The following FAT1 variants were observed in gnomAD, a reference collection of about 807,000 sequenced individuals.
FAT1 encodes the protein FAT atypical cadherin 1.
In FAT1, 171 loss-of-function variants were observed where a neutral mutation model predicts 329.8. The ratio of observed to expected loss-of-function variants is 0.52; its 90% CI spans 0.46 to 0.59. The LOEUF (loss-of-function observed/expected upper bound fraction) is 0.59, where lower values mean the gene tolerates loss of function less well. Ranked by LOEUF, FAT1 falls within the 20% of genes least tolerant of loss-of-function variation. The probability of loss-of-function intolerance (pLI) is 0.00; values close to 1 mark genes in which losing one functional copy is unlikely to be tolerated. For missense variants in FAT1, 5,672 were observed against 5,774.4 expected (o/e 0.98, Z 0.57); for synonymous variants, 2,233 against 2,228.6 (o/e 1.00, Z -0.06).
Position 186,618,923 on chromosome 4 carries a change from C to G in FAT1, c.7663G>C (p.Asp2555His), listed in dbSNP as rs2126500416. 1 of 1,613,912 alleles carries G rather than the reference C, an allele frequency of 6.2e-7. No individual in the cohort carries two copies. Among genetic ancestry groups the G allele is most frequent in the Admixed American group, 1.7e-5 (1 of 60,016 alleles). ...ACTTTCTCCGCCGGGGTTTCTCGATCAAGTTTTTCCAAAGTAAATATCTGT... is the reference window on the plus strand; with the variant it reads ...ACTTTCTCCGCCGGGGTTTCTCGATGAAGTTTTTCCAAAGTAAATATCTGT... ...RGQIFTLEKL[D>H]RETPAEKVIS... The change falls in exon 10 of 27, where the codon GAT becomes CAT. Residue 2555 changes from aspartate to histidine, a missense_variant. Physicochemically the swap from Asp to His is moderately conservative, Grantham distance 81. This residue lies in a region of FAT1 where 3,966 missense variants were observed against 3,915.2 expected (regional missense o/e 1.01). Coordinates refer to ENST00000441802, the MANE Select transcript of FAT1 (RefSeq NM_005245.4).
Position 186,706,636 on chromosome 4 carries a change from T to G in FAT1, c.3192A>C (p.Arg1064Ser), listed in dbSNP as rs760545244. Residue 1064 changes from arginine (R) to serine (S), a missense_variant, in exon 2 of 27, where the codon AGA (arginine) becomes AGC (serine). Coordinates refer to ENST00000441802, the MANE Select transcript of FAT1 (RefSeq NM_005245.4). ...TGGAGTATCGGATCTCCCCATCTCT[T>G]CTGGCGTCCTCATCATGAGCCGACA... ...MTVSAHDEDARRDGEIRYSIR... is the reference protein window; with the variant it reads ...MTVSAHDEDASRDGEIRYSIR... 6.2e-7 allele frequency: 1 copy of G among 1,613,974 alleles called. No individual in the cohort carries two copies. The highest frequency in any genetic ancestry group is 8.5e-7 in the Non-Finnish European group (1 of 1,179,888).
chr4:186,636,994 G>C (rs935406516), intron 4 of FAT1, 80 bp from the exon 5 acceptor site: 1 of 1,272,618 alleles, frequency 7.9e-7, no homozygotes. Flanking sequence ...ATGCTACTCC[G>C]CATGTGTGTA....
chr4:186,706,595 C>A lies in FAT1; in HGVS notation c.3233G>T (p.Gly1078Val), dbSNP rs914438381. 2 of 1,612,538 alleles carry A rather than the reference C, an allele frequency of 1.2e-6. No individual in the cohort carries two copies. The highest frequency in any genetic ancestry group is 2.7e-5 in the African/African-American group (2 of 74,870). ...TTCACCTATTTTGAAAACACCAACG[C>A]CAGAGCCATCTCTAATGGAGTATCG... is the stretch of plus-strand genomic sequence containing the variant. ...EIRYSIRDGSGVGVFKIGEET... is the reference protein window; with the variant it reads ...EIRYSIRDGSVVGVFKIGEET... The change falls in exon 2 of 27, where the codon GGC (glycine) becomes GTC (valine). Residue 1078 changes from glycine (G) to valine (V), a missense_variant. By Grantham distance (109) the Gly-to-Val change is moderately radical. Transcript: ENST00000441802.
chr4:186,706,199 G>A (rs931868616), intron 2 of FAT1, among the ~76,000 whole-genome samples: 1 of 152,182 alleles, frequency 6.6e-6, no homozygotes, highest in Non-Finnish European at 1.5e-5. Flanking sequence ...CAAATACACT[G>A]ACTGAAAAAA....
At chr4:186,628,403 T>C (rs2126543653) in intron 8 of FAT1, 39 bp from the exon 9 acceptor site, 2 of 1,610,088 alleles carry the variant, frequency 1.2e-6, no homozygotes, top group Non-Finnish European at 1.7e-6. Context: ...CATTGGTGCT[T>C]TCCTTATAAC....
chr4:186,600,191 G>A lies in FAT1; in HGVS notation c.11810C>T (p.Ala3937Val), dbSNP rs755925891. The A allele has an allele frequency of 3.1e-6, 5 of 1,613,948 alleles. No individual in the cohort carries two copies. The African/African-American group carries it at 6.7e-5, about 22-fold the overall frequency. The change falls in exon 22 of 27, where the codon GCC becomes GTC. Residue 3937 changes from alanine to valine, a missense_variant. By Grantham distance (64) the Ala-to-Val change is moderately conservative. Coordinates refer to ENST00000441802, the MANE Select transcript of FAT1 (RefSeq NM_005245.4). ...LDQVHTASGT[A>V]PGTLKTLNLD... ...GTTCAGGGTTTTCAGAGTCCCTGGG[G>A]CTGTGCCCGATGCAGTATGAACTTG...
intron 3 of FAT1, among the ~76,000 whole-genome samples, chr4:186,640,371 A>G (rs1189394581): frequency 2.0e-5 from 3 of 152,222 alleles, no homozygotes; most frequent in African/African-American, 7.2e-5. Flanking sequence ...TGGTTTCAAT[A>G]TACATTTTGT....
Position 186,606,155 on chromosome 4 carries a change from T to C in FAT1, c.10265A>G (p.Asn3422Ser). The change falls in exon 17 of 27, where the codon AAC becomes AGC. Residue 3422 changes from asparagine to serine, a missense_variant. Around this residue, in one of 2 missense-constraint regions of FAT1, gnomAD observed 1,706 missense variants for 1,859.1 expected, o/e 0.92. Transcript: ENST00000441802. ...ASDNGSPPRVNTTTVNIDVSD... is the reference protein window; with the variant it reads ...ASDNGSPPRVSTTTVNIDVSD... ...CACATCGATGTTCACGGTCGTCGTG[T>C]TGACTCTGGGTGGACTGCCATTATC... is the stretch of plus-strand genomic sequence containing the variant. 2 of 1,613,476 alleles carry C rather than the reference T, an allele frequency of 1.2e-6. No individual in the cohort carries two copies. The highest frequency in any genetic ancestry group is 1.7e-4 in the Middle Eastern group (1 of 6,034).
At chr4:186,636,404 T>C (rs1740817419) in intron 5 of FAT1, among the ~76,000 whole-genome samples, 169 bp from the exon 6 acceptor site, 1 of 152,180 alleles carries the variant, frequency 6.6e-6, no homozygotes, top group Non-Finnish European at 1.5e-5. Context: ...CATGACCACA[T>C]TCAACATAAA....
chr4:186,639,881 G>A (rs1741015612), intron 3 of FAT1, 98 bp from the exon 4 acceptor site: 1 of 1,024,154 alleles, frequency 9.8e-7, no homozygotes, highest in Admixed American at 1.9e-5. Context: ...GGTAGCTCAT[G>A]CCTTAATCCC....
rs1427836213 is a variant in FAT1 at position 186,609,913 on chromosome 4, G to A, written c.9956C>T (p.Ala3319Val). ...DGGTPSLSDV[A>V]TVNVNVTDIN... Reference sequence around the variant, plus strand: ...ATCTGTTACATTAACGTTCACAGTGGCAACGTCGCTCAGTGAAGGCGTGCC... The same window carrying A: ...ATCTGTTACATTAACGTTCACAGTGACAACGTCGCTCAGTGAAGGCGTGCC... Residue 3319 changes from alanine (A) to valine (V), a missense_variant, in exon 15 of 27, where the codon GCC becomes GTC. Physicochemically the swap from Ala to Val is moderately conservative, Grantham distance 64. Transcript: ENST00000441802. 6.2e-7 allele frequency: 1 copy of A among 1,612,354 alleles called. No individual in the cohort carries two copies. The highest frequency in any genetic ancestry group is 8.5e-7 in the Non-Finnish European group (1 of 1,178,542).
intron 2 of FAT1, among the ~76,000 whole-genome samples, chr4:186,675,039 C>G (rs1230920657): frequency 6.6e-6 from 1 of 151,892 alleles, no homozygotes; most frequent in Non-Finnish European, 1.5e-5. Context: ...GTCTCAAAAA[C>G]AAAAACAAAA....
intron 9 of FAT1, among the ~76,000 whole-genome samples, chr4:186,624,240 T>G (rs989603312): frequency 1.3e-4 from 19 of 143,146 alleles, no homozygotes; most frequent in Admixed American, 1.2e-3. Context: ...TTGTTCCCTG[T>G]ATGGGAACAG....
intron 17 of FAT1, 58 bp from the exon 18 acceptor site, chr4:186,604,632 TG>T (rs1396290328): frequency 2.6e-6 from 3 of 1,143,922 alleles, no homozygotes; most frequent in East Asian, 5.0e-5. Context: ...CAAATCTATA[TG>T]GGACAGACAC....
Position 186,620,477 on chromosome 4 carries a change from T to C in FAT1, c.6109A>G (p.Thr2037Ala), listed in dbSNP as rs2126516042. ...RTSGVLSTTG[T>A]PFDREQQEAF... ...TCCTGCTGCTCACGATCGAAGGGCGTGCCAGTGGTTGACAGAACTCCTGAA... is the reference window on the plus strand; with the variant it reads ...TCCTGCTGCTCACGATCGAAGGGCGCGCCAGTGGTTGACAGAACTCCTGAA... The change falls in exon 10 of 27, where the codon ACG (threonine) becomes GCG (alanine). Residue 2037 changes from threonine (T) to alanine (A), a missense_variant. By Grantham distance (58) the Thr-to-Ala change is moderately conservative. Coordinates refer to ENST00000441802, the MANE Select transcript of FAT1 (RefSeq NM_005245.4). 6.2e-7 allele frequency: 1 copy of C among 1,614,028 alleles called. No homozygotes were observed. Among genetic ancestry groups the C allele is most frequent in the Non-Finnish European group, 8.5e-7 (1 of 1,179,904 alleles).
intron 3 of FAT1, among the ~76,000 whole-genome samples, chr4:186,646,184 G>A (rs548797311): frequency 9.9e-5 from 15 of 151,870 alleles, no homozygotes; most frequent in Non-Finnish European, 2.1e-4. Context: ...CACCTCACCC[G>A]GCAGGAAATT....
chr4:186,599,666 C>T (rs1042056643), intron 22 of FAT1, among the ~76,000 whole-genome samples: 2 of 152,192 alleles, frequency 1.3e-5, no homozygotes, highest in Admixed American at 1.3e-4. Context: ...ACTGGGAGGG[C>T]ACTGCAGGCG....
In FAT1 at chr4:186,708,846, G is replaced by A; in HGVS notation, c.982C>T (p.His328Tyr). Residue 328 changes from histidine to tyrosine, a missense_variant, in exon 2 of 27, where the codon CAT becomes TAT. His to Tyr is a moderately conservative substitution (Grantham distance 83). Coordinates refer to ENST00000441802, the MANE Select transcript of FAT1 (RefSeq NM_005245.4). ...KAIGGIDWDS[H>Y]PFGYNLTLQA... Reference sequence around the variant, plus strand: ...AGTGTGAGATTGTAGCCGAAAGGATGACTGTCCCAATCAATGCCACCGATG... The same window carrying A: ...AGTGTGAGATTGTAGCCGAAAGGATAACTGTCCCAATCAATGCCACCGATG... The A allele has an allele frequency of 6.2e-7, 1 of 1,613,940 alleles. No individual in the cohort carries two copies. Among genetic ancestry groups the A allele is most frequent in the Admixed American group, 1.7e-5 (1 of 60,012 alleles).
At chr4:186,595,668 T>C in intron 26 of FAT1, 21 bp downstream of exon 26, 1 of 1,613,028 alleles carries the variant, frequency 6.2e-7, no homozygotes, top group South Asian at 1.1e-5. Context: ...AGCGCAGTGT[T>C]GCAGCACACT....
Sources: gnomAD v4.1 joint callset for allele counts (sites outside exome capture counted in the v4.1 genomes callset) on GRCh38, gnomAD v4.1.1 for gene constraint, gnomAD v4.1.1 regional missense constraint, MANE v1.5 for transcripts, NCBI Gene and HGNC (gene_info 2026-07-23, HGNC 2026-07-21) for gene names.